The following EYS variants were observed in gnomAD, a reference collection of about 807,000 sequenced individuals.
EYS encodes the protein protein eyes shut homolog.
In EYS, 250 loss-of-function variants were observed where a neutral mutation model predicts 282.1. The observed-to-expected ratio is 0.89, with a 90% CI of 0.80 to 0.98. EYS has a LOEUF of 0.98. Ranked by LOEUF, EYS falls within the 50% of genes least tolerant of loss-of-function variation. EYS has a pLI of 0.00. For synonymous variants in EYS, 1,355 were observed against 1,282.9 expected, an observed-to-expected ratio of 1.06 and a Z score of -1.20; for missense variants, 4,016 against 3,709.0, an observed-to-expected ratio of 1.08 and a Z score of -2.15.
intron 12 of EYS, among the ~76,000 whole-genome samples, chr6:65,114,055 C>A (rs1775296487): frequency 1.3e-5 from 2 of 151,878 alleles, no homozygotes; most frequent in South Asian, 2.1e-4. Flanking sequence ...ATAGGGATAA[C>A]AAAACGTATG....
chr6:64,300,717 C>G (rs1769204800), intron 30 of EYS, among the ~76,000 whole-genome samples: 1 of 152,164 alleles, frequency 6.6e-6, no homozygotes, highest in Non-Finnish European at 1.5e-5. Context: ...CTATAGGGCC[C>G]CTTCAACAGG....
At chr6:64,351,080 T>A (rs12191881) in intron 29 of EYS, among the ~76,000 whole-genome samples, 112,802 of 150,310 alleles carry the variant, frequency 0.75, 42,895 homozygotes, top group African/African-American at 0.89. Flanking sequence ...TTTTTTTTTT[T>A]AATAAATTAC....
At chr6:65,504,846 T>C (rs115898963) in intron 2 of EYS, among the ~76,000 whole-genome samples, 3,828 of 151,844 alleles carry the variant, frequency 0.025, 77 homozygotes, top group Non-Finnish European at 0.04. Flanking sequence ...TCTATGTTCA[T>C]GAGAGTTATT....
In EYS at chr6:65,344,040, C is replaced by CT. The variant is rs777999348; in HGVS notation, c.1596dup (p.Glu533ArgfsTer12). On this transcript the variant is annotated frameshift_variant, in exon 10 of 43. Coordinates refer to ENST00000503581, the MANE Select transcript of EYS (RefSeq NM_001142800.2). LOFTEE classifies it high-confidence loss of function. The stretch of plus-strand genomic sequence containing the variant: ...GCAACTACATAAAATTACCTTACCT[C>CT]TTTTGTGCCTTCATGTGGGAACCAA... 2 of 1,609,904 alleles carry CT rather than the reference C, an allele frequency of 1.2e-6. No individual in the cohort carries two copies. The highest frequency in any genetic ancestry group is 2.2e-5 in the South Asian group (2 of 91,000).
intron 7 of EYS, among the ~76,000 whole-genome samples, chr6:65,392,838 A>G (rs199945896): frequency 6.7e-6 from 1 of 150,102 alleles, no homozygotes; most frequent in Non-Finnish European, 1.5e-5. Context: ...ACCCAAAGGA[A>G]TATAAATCAT....
chr6:64,783,030 G>T (rs1004610686), intron 22 of EYS, among the ~76,000 whole-genome samples: 14 of 152,088 alleles, frequency 9.2e-5, no homozygotes, highest in African/African-American at 3.4e-4. Context: ...ATGAAATCGT[G>T]CACTGCCCTG....
intron 5 of EYS, among the ~76,000 whole-genome samples, chr6:65,454,354 C>T (rs1333816281): frequency 6.6e-6 from 1 of 151,634 alleles, no homozygotes; most frequent in Non-Finnish European, 1.5e-5. Context: ...ATTGCTAAAT[C>T]AGATTATTTG....
At chr6:63,999,568 G>A (rs981903855) in intron 33 of EYS, among the ~76,000 whole-genome samples, 2 of 152,176 alleles carry the variant, frequency 1.3e-5, no homozygotes, top group Non-Finnish European at 2.9e-5. Flanking sequence ...GTTAAATGAT[G>A]CTAAACTCCC....
At chr6:64,880,918 A>G (rs1307947277) in intron 19 of EYS, among the ~76,000 whole-genome samples, 1 of 151,234 alleles carries the variant, frequency 6.6e-6, no homozygotes, top group Non-Finnish European at 1.5e-5. Context: ...GTGTGTGTAT[A>G]ATATATAAAA....
At chr6:65,317,349 G>A (rs1485988336) in intron 11 of EYS, among the ~76,000 whole-genome samples, 4 of 152,058 alleles carry the variant, frequency 2.6e-5, no homozygotes, top group Non-Finnish European at 5.9e-5. Context: ...TACATTTAAA[G>A]GCATGTTTTA....
intron 26 of EYS, among the ~76,000 whole-genome samples, chr6:64,481,297 T>TAA (rs1452201219): frequency 2.2e-4 from 32 of 143,490 alleles, no homozygotes; most frequent in South Asian, 2.0e-3. Context: ...TATATATATA[T>TAA]AATTAGAGAG....
At chr6:64,756,225 A>G (rs1426546305) in intron 22 of EYS, among the ~76,000 whole-genome samples, 1 of 152,204 alleles carries the variant, frequency 6.6e-6, no homozygotes, top group East Asian at 1.9e-4. Context: ...TTATTTTGAA[A>G]CTTTTTGGAT....
intron 31 of EYS, among the ~76,000 whole-genome samples, chr6:64,122,182 G>C (rs1582300656): frequency 1.3e-5 from 2 of 152,140 alleles, no homozygotes; most frequent in African/African-American, 2.4e-5. Flanking sequence ...GGATCTAATA[G>C]TGAAAAATTA....
chr6:64,093,885 G>A (rs866612817), intron 31 of EYS, among the ~76,000 whole-genome samples: 147 of 152,276 alleles, frequency 9.7e-4, no homozygotes, highest in African/African-American at 3.4e-3. Context: ...GATATTGGCT[G>A]TGGATTTGTC....
chr6:65,579,281 G>T (rs904273149), intron 2 of EYS, among the ~76,000 whole-genome samples: 1 of 152,042 alleles, frequency 6.6e-6, no homozygotes, highest in Non-Finnish European at 1.5e-5. Context: ...TGAATATGAG[G>T]CAGCTTTATA....
At chr6:64,691,318 T>C (rs957078038) in intron 22 of EYS, among the ~76,000 whole-genome samples, 5 of 152,058 alleles carry the variant, frequency 3.3e-5, no homozygotes, top group Non-Finnish European at 7.4e-5. Flanking sequence ...AAAGTTTGGA[T>C]AAAAAGAAAT....
intron 22 of EYS, among the ~76,000 whole-genome samples, chr6:64,736,410 G>C (rs1177173368): frequency 6.6e-6 from 1 of 152,048 alleles, no homozygotes; most frequent in Non-Finnish European, 1.5e-5. Context: ...CTAAAGAGTG[G>C]TTGAAGAAAT....
At chr6:63,973,970 T>C (rs79859281) in intron 35 of EYS, among the ~76,000 whole-genome samples, 2 of 64,254 alleles carry the variant, frequency 3.1e-5, no homozygotes, top group African/African-American at 6.2e-5. Flanking sequence ...AGGAAAAAAA[T>C]GTAAGGCTTG....
chr6:64,144,783 C>T (rs1029788897), intron 31 of EYS, among the ~76,000 whole-genome samples: 5 of 152,086 alleles, frequency 3.3e-5, no homozygotes, highest in African/African-American at 9.7e-5. Context: ...ACATATGGTC[C>T]CATGATGTGA....
Sources: gnomAD v4.1 joint callset for allele counts (sites outside exome capture counted in the v4.1 genomes callset) on GRCh38, gnomAD v4.1.1 for gene constraint, MANE v1.5 for transcripts, NCBI Gene and HGNC (gene_info 2026-07-23, HGNC 2026-07-21) for gene names.